Variants in SLC35F2 observed in about 807,000 individuals in gnomAD.
SLC35F2 encodes the protein queuine/queuosine transporter SLC35F2.
In SLC35F2, 25 loss-of-function variants were observed where a neutral mutation model predicts 38.1. The observed-to-expected ratio is 0.66, with a 90% CI of 0.48 to 0.92. The LOEUF (loss-of-function observed/expected upper bound fraction) is 0.92, where lower values mean the gene tolerates loss of function less well. Ranked by LOEUF, SLC35F2 falls within the 40% of genes least tolerant of loss-of-function variation. The probability of loss-of-function intolerance (pLI) is 0.00; values close to 1 mark genes in which losing one functional copy is unlikely to be tolerated. For synonymous variants in SLC35F2, 173 were observed against 181.7 expected, an observed-to-expected ratio of 0.95 and a Z score of 0.38; for missense variants, 409 against 452.9, an observed-to-expected ratio of 0.90 and a Z score of 0.88.
At chr11:107,816,447 A>ATTTTT (rs5794572) in intron 1 of SLC35F2, among the ~76,000 whole-genome samples, 8 of 118,300 alleles carry the variant, frequency 6.8e-5, no homozygotes, top group East Asian at 2.4e-4. Flanking sequence ...TGCCCAGCTA[A>ATTTTT]TTTTTTTTTT....
At chr11:107,803,776 A>AACACACACACACACACACACACAC (rs71047623) in intron 6 of SLC35F2, among the ~76,000 whole-genome samples, 3,729 of 149,460 alleles carry the variant, frequency 0.025, 125 homozygotes, top group African/African-American at 0.076. Context: ...TCCCATACTC[A>AACACACACACACACACACACACAC]ACACACACAC....
chr11:107,828,707 T>C (rs2134819714), intron 1 of SLC35F2, among the ~76,000 whole-genome samples: 1 of 152,074 alleles, frequency 6.6e-6, no homozygotes, highest in East Asian at 1.9e-4. Flanking sequence ...ATAATGGATC[T>C]AGACAAAACA....
Position 107,805,739 on chromosome 11 carries a change from G to A in SLC35F2, c.575-224C>T, listed in dbSNP as rs1859381149. The A allele has an allele frequency of 1.6e-5, 13 of 836,994 alleles. No homozygotes were observed. In the South Asian group the frequency reaches 2.7e-4, roughly 18 times the overall value. The allele number at this position is 836,994 out of a possible 1,614,324, so 51.8% of individuals were successfully genotyped here. On this transcript the variant is annotated intron_variant, in intron 4 of 7. Coordinates refer to ENST00000525815, the MANE Select transcript of SLC35F2 (RefSeq NM_017515.5). Reference sequence around the variant, plus strand: ...GTTGCTCAGGCTGGAGTGCAGTGGCGCAATCTCAGCTCACTGCAACCTACA... The same window carrying A: ...GTTGCTCAGGCTGGAGTGCAGTGGCACAATCTCAGCTCACTGCAACCTACA...
intron 1 of SLC35F2, among the ~76,000 whole-genome samples, chr11:107,833,518 C>CAAAAAAAAA (rs34376803): frequency 2.2e-5 from 2 of 89,562 alleles, no homozygotes; most frequent in African/African-American, 9.7e-5. Flanking sequence ...GACTCTGTCT[C>CAAAAAAAAA]AAAAAAAAAA....
intron 1 of SLC35F2, among the ~76,000 whole-genome samples, chr11:107,820,730 C>T (rs1314002310): frequency 4.6e-5 from 7 of 152,140 alleles, no homozygotes; most frequent in African/African-American, 1.4e-4. Flanking sequence ...CTGAGGCGGG[C>T]GGATCACTTG....
At chr11:107,799,921 C>T (rs1169150968) in intron 7 of SLC35F2, among the ~76,000 whole-genome samples, 1 of 149,470 alleles carries the variant, frequency 6.7e-6, no homozygotes, top group East Asian at 2.0e-4. Flanking sequence ...CAGAGTCTTG[C>T]TCTGTTGCCC....
intron 1 of SLC35F2, among the ~76,000 whole-genome samples, chr11:107,818,120 G>A (rs1859612557): frequency 1.4e-5 from 2 of 143,438 alleles, no homozygotes; most frequent in African/African-American, 2.6e-5. Context: ...AAGAAAGAAA[G>A]AAAGAAAGAA....
chr11:107,802,668 G>C (rs1859328584), intron 7 of SLC35F2, among the ~76,000 whole-genome samples: 1 of 152,212 alleles, frequency 6.6e-6, no homozygotes, highest in Non-Finnish European at 1.5e-5. Flanking sequence ...CTAGTGCTCA[G>C]GTTAAGTTAC....
intron 1 of SLC35F2, among the ~76,000 whole-genome samples, chr11:107,849,624 G>C (rs1294376322): frequency 7.4e-6 from 1 of 136,022 alleles, no homozygotes; most frequent in Non-Finnish European, 1.5e-5. Flanking sequence ...GGGCGACAGA[G>C]CAAGACTCCG....
intron 1 of SLC35F2, among the ~76,000 whole-genome samples, chr11:107,856,936 A>G (rs11607450): frequency 0.47 from 49,558 of 104,996 alleles, 11,600 homozygotes; most frequent in Admixed American, 0.54. Context: ...AAAAGAGGGA[A>G]GGAGACTGGA....
At chr11:107,832,695 A>G (rs1400854388) in intron 1 of SLC35F2, among the ~76,000 whole-genome samples, 1 of 152,102 alleles carries the variant, frequency 6.6e-6, no homozygotes, top group Admixed American at 6.6e-5. Flanking sequence ...AGTCCCAGCT[A>G]TTTAGGAGGC....
At chr11:107,836,998 T>C (rs1468114566) in intron 1 of SLC35F2, among the ~76,000 whole-genome samples, 1 of 152,202 alleles carries the variant, frequency 6.6e-6, no homozygotes, top group Non-Finnish European at 1.5e-5. Context: ...GGGAGCTACC[T>C]TGGATTGAAA....
intron 1 of SLC35F2, among the ~76,000 whole-genome samples, chr11:107,855,806 C>A (rs1300988888): frequency 1.4e-5 from 1 of 71,434 alleles, no homozygotes; most frequent in Non-Finnish European, 2.6e-5. Flanking sequence ...AGTATCAGAA[C>A]ATTAGGAGAG....
rs542052497 is a variant in SLC35F2 at position 107,824,612 on chromosome 11, A to C, written c.111-8647T>G. ...AGAAAGAATCCTAGTCTTTGAATCCAAAGATCTAACTCTACTCTTTATTAG... is the reference window on the plus strand; with the variant it reads ...AGAAAGAATCCTAGTCTTTGAATCCCAAGATCTAACTCTACTCTTTATTAG... On this transcript the variant is annotated intron_variant, in intron 1 of 7. Transcript: ENST00000525815. Among the ~76,000 whole-genome samples, 7 of 152,322 alleles carry C rather than the reference A, an allele frequency of 4.6e-5. No homozygotes were observed. In the East Asian group the frequency reaches 9.6e-4, roughly 21 times the overall value.
At chr11:107,804,836 T>G (rs1291780762) in intron 5 of SLC35F2, 66 bp from the exon 6 acceptor site, 1 of 1,370,898 alleles carries the variant, frequency 7.3e-7, no homozygotes, top group African/African-American at 1.5e-5. Flanking sequence ...ATAAGCATTT[T>G]AGTCACTATA....
chr11:107,816,187 A>G (rs1315004054), intron 1 of SLC35F2: 2 of 985,202 alleles, frequency 2.0e-6, no homozygotes, highest in Non-Finnish European at 2.4e-6. Flanking sequence ...CCACAAAAGC[A>G]TATTCCCCCA....
At chr11:107,842,287 T>TAAAAAAAAAAAAAAAAAAA (rs1292690214) in intron 1 of SLC35F2, among the ~76,000 whole-genome samples, 8 of 71,248 alleles carry the variant, frequency 1.1e-4, no homozygotes, top group African/African-American at 1.6e-4. Flanking sequence ...AAAAAAAAAT[T>TAAAAAAAAAAAAAAAAAAA]AAAGCTTGAC....
intron 2 of SLC35F2, among the ~76,000 whole-genome samples, chr11:107,815,316 G>A (rs1344701628): frequency 6.6e-6 from 1 of 151,398 alleles, no homozygotes; most frequent in African/African-American, 2.4e-5. Flanking sequence ...TTGGGAGGCT[G>A]AGGTGGGCAG....
At chr11:107,802,859 G>T in intron 7 of SLC35F2, 142 bp downstream of exon 7, 2 of 749,542 alleles carry the variant, frequency 2.7e-6, no homozygotes, top group Non-Finnish European at 4.2e-6. Flanking sequence ...TAATTCAGAA[G>T]CAGCAAAGGG....
Sources: gnomAD v4.1 joint callset for allele counts (sites outside exome capture counted in the v4.1 genomes callset) on GRCh38, gnomAD v4.1.1 for gene constraint, MANE v1.5 for transcripts, NCBI Gene and HGNC (gene_info 2026-07-23, HGNC 2026-07-21) for gene names.